The following LRFN5 variants were observed in gnomAD, a reference collection of about 807,000 sequenced individuals.
LRFN5 encodes leucine rich repeat and fibronectin type III domain containing 5.
LRFN5 carries 24 observed loss-of-function variants against 45.6 expected under a neutral mutation model. The observed-to-expected ratio is 0.53, with a 90% CI of 0.38 to 0.74. LRFN5 has a LOEUF of 0.74. Ranked by LOEUF, LRFN5 falls within the 30% of genes least tolerant of loss-of-function variation. The pLI is 0.00. For synonymous variants in LRFN5, 340 were observed against 313.8 expected (o/e 1.08, Z -0.88); for missense variants, 776 against 861.5 (o/e 0.90, Z 1.24).
chr14:41,713,946 A>G (rs1185411960), intron 1 of LRFN5, among the ~76,000 whole-genome samples: 3 of 152,188 alleles, frequency 2.0e-5, no homozygotes, highest in Non-Finnish European at 4.4e-5. Flanking sequence ...TAGCATCAGC[A>G]GGTTACAATC....
At chr14:41,844,240 A>G (rs61988414) in intron 2 of LRFN5, among the ~76,000 whole-genome samples, 20,326 of 152,058 alleles carry the variant, frequency 0.13, 1,742 homozygotes, top group Non-Finnish European at 0.19. Context: ...GATCGAGACC[A>G]TCCTGGCTAA....
intron 2 of LRFN5, among the ~76,000 whole-genome samples, chr14:41,783,965 CT>C (rs1566439119): frequency 6.6e-6 from 1 of 152,068 alleles, no homozygotes. Context: ...TGAATATACT[CT>C]TAATGCTGCT....
intron 2 of LRFN5, among the ~76,000 whole-genome samples, chr14:41,829,114 C>G (rs1409677227): frequency 6.6e-6 from 1 of 151,936 alleles, no homozygotes; most frequent in African/African-American, 2.4e-5. Flanking sequence ...GTTTCACAAT[C>G]CTAGAGTACA....
At chr14:41,666,946 C>G (rs994852096) in intron 1 of LRFN5, among the ~76,000 whole-genome samples, 1 of 152,124 alleles carries the variant, frequency 6.6e-6, no homozygotes, top group East Asian at 1.9e-4. Flanking sequence ...AGAATAAGAA[C>G]ATAATGATTA....
At chr14:41,781,558 GAGAAAGAAAGAAAGAA>G (rs55859357) in intron 2 of LRFN5, among the ~76,000 whole-genome samples, 9,344 of 106,846 alleles carry the variant, frequency 0.087, 443 homozygotes, top group Middle Eastern at 0.14. Context: ...AGAAAAGAAA[GAGAAAGAAAGAAAGAA>G]AGAAAGAAAG....
intron 1 of LRFN5, among the ~76,000 whole-genome samples, chr14:41,674,580 G>T: frequency 6.8e-6 from 1 of 147,728 alleles, no homozygotes; most frequent in Admixed American, 6.7e-5. Context: ...TCTCCAGGAC[G>T]GGGCGGCTGG....
At chr14:41,883,323 T>C (rs1429448836) in intron 2 of LRFN5, among the ~76,000 whole-genome samples, 2 of 150,106 alleles carry the variant, frequency 1.3e-5, no homozygotes, top group East Asian at 2.0e-4. Flanking sequence ...TCTATATTTA[T>C]TCCAGAAATA....
chr14:41,798,073 T>C (rs1887196587), intron 2 of LRFN5, among the ~76,000 whole-genome samples: 1 of 151,968 alleles, frequency 6.6e-6, no homozygotes, highest in Non-Finnish European at 1.5e-5. Flanking sequence ...CTTAGACTTA[T>C]TGCTCTCTAG....
At chr14:41,865,446 C>T (rs1889807343) in intron 2 of LRFN5, among the ~76,000 whole-genome samples, 1 of 151,968 alleles carries the variant, frequency 6.6e-6, no homozygotes. Context: ...GTGAATATGC[C>T]AGGTTTTATT....
chr14:41,823,085 A>G (rs1357822707), intron 2 of LRFN5, among the ~76,000 whole-genome samples: 2 of 151,988 alleles, frequency 1.3e-5, no homozygotes, highest in Non-Finnish European at 2.9e-5. Context: ...TTTTTAAAAA[A>G]AAATCCATTC....
At chr14:41,841,865 A>G (rs1888871904) in intron 2 of LRFN5, among the ~76,000 whole-genome samples, 1 of 151,888 alleles carries the variant, frequency 6.6e-6, no homozygotes, top group Admixed American at 6.6e-5. Flanking sequence ...ATATAAATTT[A>G]CACTTAAATA....
chr14:41,626,655 G>A (rs1040182632), intron 1 of LRFN5, among the ~76,000 whole-genome samples: 3 of 151,978 alleles, frequency 2.0e-5, no homozygotes, highest in South Asian at 2.1e-4. Context: ...GCATCTCTAC[G>A]TCTGGCCCTG....
At chr14:41,637,310 G>T (rs550709809) in intron 1 of LRFN5, among the ~76,000 whole-genome samples, 1 of 152,190 alleles carries the variant, frequency 6.6e-6, no homozygotes, top group South Asian at 2.1e-4. Flanking sequence ...CAATTACATG[G>T]TTTTCAGCTT....
chr14:41,840,982 A>G (rs888947608), intron 2 of LRFN5, among the ~76,000 whole-genome samples: 2 of 151,976 alleles, frequency 1.3e-5, no homozygotes, highest in East Asian at 3.9e-4. Flanking sequence ...AGTAGTCAGT[A>G]TTTGAATTTG....
chr14:41,824,468 G>T (rs1288362888), intron 2 of LRFN5, among the ~76,000 whole-genome samples: 1 of 152,162 alleles, frequency 6.6e-6, no homozygotes, highest in Non-Finnish European at 1.5e-5. Context: ...AATCTCAGTT[G>T]TAGTAGTGAT....
At chr14:41,748,120 C>A (rs1007993727) in intron 1 of LRFN5, among the ~76,000 whole-genome samples, 4 of 151,894 alleles carry the variant, frequency 2.6e-5, no homozygotes, top group Admixed American at 2.0e-4. Context: ...TAAGATAGTT[C>A]CTCAAAATAT....
chr14:41,868,028 G>A (rs1026121351), intron 2 of LRFN5, among the ~76,000 whole-genome samples: 1 of 151,918 alleles, frequency 6.6e-6, no homozygotes, highest in African/African-American at 2.4e-5. Context: ...TCACCATGGA[G>A]TTGCTATCCA....
chr14:41,881,754 T>C (rs150090119), intron 2 of LRFN5, among the ~76,000 whole-genome samples: 52 of 152,314 alleles, frequency 3.4e-4, no homozygotes, highest in African/African-American at 1.2e-3. Flanking sequence ...ATTACATTTA[T>C]ACTTTCTTCT....
chr14:41,689,097 AAAT>A (rs71440744), intron 1 of LRFN5, among the ~76,000 whole-genome samples: 42,709 of 151,020 alleles, frequency 0.28, 6,138 homozygotes, highest in South Asian at 0.37. Context: ...CCCATCTCTA[AAAT>A]AATAATAATA....
Sources: gnomAD v4.1 joint callset for allele counts (sites outside exome capture counted in the v4.1 genomes callset) on GRCh38, gnomAD v4.1.1 for gene constraint, MANE v1.5 for transcripts, NCBI Gene and HGNC (gene_info 2026-07-23, HGNC 2026-07-21) for gene names.